The following AKR1B1 variants were observed in gnomAD, a reference collection of about 807,000 sequenced individuals.
AKR1B1 encodes aldo-keto reductase family 1 member B.
In AKR1B1, 22 loss-of-function variants were observed where a neutral mutation model predicts 40.4. The observed-to-expected ratio is 0.54, with a 90% CI of 0.39 to 0.78. AKR1B1 has a LOEUF of 0.78. AKR1B1 is among the 30% of genes least tolerant of loss of function. AKR1B1 has a pLI of 0.00. For synonymous variants in AKR1B1, 157 were observed against 149.9 expected, an observed-to-expected ratio of 1.05 and a Z score of -0.35; for missense variants, 357 against 396.7, an observed-to-expected ratio of 0.90 and a Z score of 0.85.
intron 3 of AKR1B1, 47 bp downstream of exon 3, chr7:134,450,739 T>C (rs766416869): frequency 2.1e-6 from 3 of 1,450,774 alleles, no homozygotes; most frequent in East Asian, 2.3e-5. Context: ...ACACCACAGG[T>C]TGCACCTGAG....
At chr7:134,459,138 A>G, upstream of AKR1B1, 1 of 1,526,580 alleles carries the variant, frequency 6.6e-7, no homozygotes, top group Non-Finnish European at 8.9e-7. Flanking sequence ...ATAGCCCGTG[A>G]GGTCGGCAGA....
At chr7:134,458,767 C>A (rs1006639332) in intron 1 of AKR1B1, among the ~76,000 whole-genome samples, 4 of 152,156 alleles carry the variant, frequency 2.6e-5, no homozygotes. Context: ...TCCCAAACCC[C>A]ACTCGCAGGA....
intron 7 of AKR1B1, chr7:134,447,767 T>G (rs1198052454): frequency 1.5e-6 from 1 of 664,198 alleles, no homozygotes. Flanking sequence ...GCAGTCACCC[T>G]TGCAGTAGTG....
intron 2 of AKR1B1, 105 bp from the exon 3 acceptor site, chr7:134,451,007 T>TTCACAGCATCATGGTAAA: frequency 1.1e-6 from 1 of 882,732 alleles, no homozygotes; most frequent in Non-Finnish European, 1.9e-6. Flanking sequence ...TGCTTTACCA[T>TTCACAGCATCATGGTAAA]GATGCTGTGA....
intron 8 of AKR1B1, among the ~76,000 whole-genome samples, chr7:134,446,816 G>T (rs529410691): frequency 4.6e-5 from 7 of 152,230 alleles, no homozygotes; most frequent in Non-Finnish European, 1.0e-4. Context: ...AACATTTCTC[G>T]ATCACTTACT....
intron 1 of AKR1B1, among the ~76,000 whole-genome samples, chr7:134,454,938 T>C (rs1806419495): frequency 6.6e-6 from 1 of 152,206 alleles, no homozygotes; most frequent in African/African-American, 2.4e-5. Context: ...ACTGACCCTG[T>C]AGGGGCAGGG....
chr7:134,455,046 C>T (rs531248212), intron 1 of AKR1B1, among the ~76,000 whole-genome samples: 1 of 152,182 alleles, frequency 6.6e-6, no homozygotes, highest in African/African-American at 2.4e-5. Context: ...TACCTCCATG[C>T]CCACAGCGCC....
rs750111571 is a variant in AKR1B1, at chr7:134,451,761, G to C, written c.67-8C>G. ...CACCTGCCCTGGAGGGGACTGAAAG[G>C]AGAAAGAACGTGAGCCCCGCAGAAT... On this transcript the variant is annotated splice_region_variant and splice_polypyrimidine_tract_variant and intron_variant, in intron 1 of 9. Coordinates refer to ENST00000285930, the MANE Select transcript of AKR1B1 (RefSeq NM_001628.4). The C allele has an allele frequency of 1.9e-6, 3 of 1,613,926 alleles. No individual in the cohort carries two copies. In the South Asian group the frequency reaches 3.3e-5, roughly 18 times the overall value.
chr7:134,448,772 CTT>C (rs1806189001), intron 5 of AKR1B1, among the ~76,000 whole-genome samples: 6 of 152,168 alleles, frequency 3.9e-5, no homozygotes, highest in Admixed American at 3.9e-4. Flanking sequence ...ATGGCTGCCT[CTT>C]TGTCAGACCC....
intron 8 of AKR1B1, 50 bp from the exon 9 acceptor site, chr7:134,445,370 G>C: frequency 1.3e-6 from 2 of 1,484,936 alleles, no homozygotes; most frequent in Non-Finnish European, 1.9e-6. Context: ...AAAAATAAAA[G>C]ACAAAATACT....
intron 4 of AKR1B1, 105 bp from the exon 5 acceptor site, chr7:134,449,224 C>A: frequency 6.7e-7 from 1 of 1,485,486 alleles, no homozygotes; most frequent in Middle Eastern, 2.4e-4. Context: ...CTCTTCAGTG[C>A]CAGTGAATTA....
At chr7:134,451,440 G>T in intron 2 of AKR1B1, 146 bp downstream of exon 2, 2 of 1,002,300 alleles carry the variant, frequency 2.0e-6, no homozygotes, top group Non-Finnish European at 3.1e-6. Context: ...CTGGAGCCCT[G>T]TATGGCCGTG....
At chr7:134,449,221 G>A (rs1562907554) in intron 4 of AKR1B1, 102 bp from the exon 5 acceptor site, 32 of 1,508,020 alleles carry the variant, frequency 2.1e-5, no homozygotes, top group African/African-American at 4.1e-5. Context: ...TCACTCTTCA[G>A]TGCCAGTGAA....
intron 1 of AKR1B1, among the ~76,000 whole-genome samples, chr7:134,453,807 G>A (rs778803362): frequency 5.3e-5 from 8 of 152,232 alleles, no homozygotes; most frequent in South Asian, 2.1e-4. Context: ...GAAAATGTAC[G>A]AGGATCCACA....
At chr7:134,442,825 C>A in intron 9 of AKR1B1, 55 bp from the exon 10 acceptor site, 1 of 1,480,262 alleles carries the variant, frequency 6.8e-7, no homozygotes, top group Non-Finnish European at 9.4e-7. Flanking sequence ...TTTGACTATA[C>A]CCAACTCCCA....
At chr7:134,450,373 G>C (rs1806245486) in intron 3 of AKR1B1, among the ~76,000 whole-genome samples, 1 of 152,214 alleles carries the variant, frequency 6.6e-6, no homozygotes, top group African/African-American at 2.4e-5. Flanking sequence ...GACAGGGTAT[G>C]CATGTAGAAC....
intron 5 of AKR1B1, 56 bp downstream of exon 5, chr7:134,448,941 G>A (rs773198721): frequency 4.5e-5 from 73 of 1,610,980 alleles, no homozygotes; most frequent in Non-Finnish European, 6.2e-5. Flanking sequence ...ATCCCTACCA[G>A]CATCAGACAG....
chr7:134,457,566 A>AT (rs1378708249), intron 1 of AKR1B1, among the ~76,000 whole-genome samples: 32 of 152,160 alleles, frequency 2.1e-4, no homozygotes, highest in Admixed American at 3.3e-4. Flanking sequence ...TATATTTACT[A>AT]ATTTTCAACA....
chr7:134,458,384 G>A (rs533564913), intron 1 of AKR1B1, among the ~76,000 whole-genome samples: 1 of 152,220 alleles, frequency 6.6e-6, no homozygotes, highest in South Asian at 2.1e-4. Context: ...CCTGGCCGAG[G>A]AGCTCCGCAC....
Sources: gnomAD v4.1 joint callset for allele counts (sites outside exome capture counted in the v4.1 genomes callset) on GRCh38, gnomAD v4.1.1 for gene constraint, MANE v1.5 for transcripts, NCBI Gene and HGNC (gene_info 2026-07-23, HGNC 2026-07-21) for gene names.